Variants in PHKA2 observed in about 807,000 individuals in gnomAD.
The protein encoded by PHKA2 is phosphorylase kinase regulatory subunit alpha 2, also known as phosphorylase b kinase regulatory subunit alpha, liver isoform.
A neutral mutation model predicts 102.0 loss-of-function variants in PHKA2; 31 were observed. That is an observed-to-expected ratio of 0.30 (90% confidence interval 0.23 to 0.41). The LOEUF is 0.41. Among genes scored for constraint, PHKA2 ranks in the 10% least tolerant of loss-of-function variants. The pLI, the probability that PHKA2 is intolerant of heterozygous loss-of-function variation, is 1.00. For missense variants in PHKA2, 858 were observed against 1,023.1 expected (o/e 0.84, Z 2.20); for synonymous variants, 455 against 416.2 (o/e 1.09, Z -1.13).
At chrX:18,966,392 C>T (rs1189016071) in intron 1 of PHKA2, among the ~76,000 whole-genome samples, 1 of 110,730 alleles carries the variant, frequency 9.0e-6, no homozygotes, top group African/African-American at 3.3e-5. Context: ...ATGTCTGGCC[C>T]GTTGGGGTTC....
chrX:18,940,454 A>C (rs1016948438), intron 8 of PHKA2, among the ~76,000 whole-genome samples: 1 of 111,768 alleles, frequency 8.9e-6, no homozygotes, highest in African/African-American at 3.3e-5. Flanking sequence ...AGGCTCCTGG[A>C]AGTTAGGCTT....
At chrX:18,905,897 G>A (rs1220218455) in intron 25 of PHKA2, 38 bp from the exon 26 acceptor site, 6 of 1,023,867 alleles carry the variant, frequency 5.9e-6, no homozygotes, top group African/African-American at 5.5e-5. Flanking sequence ...CAAACACAGG[G>A]CTGGTGGCGG....
intron 11 of PHKA2, among the ~76,000 whole-genome samples, chrX:18,933,032 T>A (rs1287328930): frequency 1.8e-5 from 2 of 109,246 alleles, no homozygotes; most frequent in African/African-American, 6.7e-5. Context: ...GAGAATCACG[T>A]GAACCTGAGA....
At chrX:18,901,748 G>A (rs1488167212) in intron 26 of PHKA2, 145 bp from the exon 27 acceptor site, 2 of 514,332 alleles carry the variant, frequency 3.9e-6, no homozygotes, top group Non-Finnish European at 7.0e-6. Context: ...AGCAGCACAG[G>A]TGCAGCACTC....
chrX:18,905,739 AC>A lies in PHKA2; in HGVS notation c.2908+18del. ...AGGAGGCAGCTCCCTGAAGACGTTA[AC>A]AGGAGCATGGAACTTACCACTTCTT... On this transcript the variant is annotated intron_variant, in intron 26 of 32. Transcript: ENST00000379942. 9.2e-7 allele frequency: 1 copy of A among 1,084,224 alleles called. No homozygotes were observed. Among genetic ancestry groups the A allele is most frequent in the Non-Finnish European group, 1.3e-6 (1 of 778,951 alleles). 89.4% of individuals were successfully genotyped at this position (1,084,224 alleles called of 1,213,427 possible). A position where few individuals can be genotyped will look rare whatever the true frequency, so the allele number is the denominator to read the frequency against.
chrX:18,912,509 G>A (rs111530645), intron 19 of PHKA2, among the ~76,000 whole-genome samples: 3 of 110,624 alleles, frequency 2.7e-5, no homozygotes, highest in South Asian at 3.9e-4. Flanking sequence ...GCTCATGCCT[G>A]TAATCCCAGC....
At chrX:18,896,837 C>T (rs2047566399) in intron 30 of PHKA2, among the ~76,000 whole-genome samples, 1 of 112,206 alleles carries the variant, frequency 8.9e-6, no homozygotes, top group African/African-American at 3.2e-5. Context: ...GCCACCTTGT[C>T]TTACTTGCTG....
At chrX:18,980,409 C>G (rs766189714) in intron 1 of PHKA2, among the ~76,000 whole-genome samples, 31 of 112,830 alleles carry the variant, frequency 2.7e-4, no homozygotes, top group African/African-American at 1.0e-3. Context: ...TTGTTCTATT[C>G]TGAGATAGGA....
At chrX:18,910,985 G>C (rs1192350843) in intron 19 of PHKA2, 25 bp from the exon 20 acceptor site, 1 of 973,865 alleles carries the variant, frequency 1.0e-6, no homozygotes, top group Non-Finnish European at 1.4e-6. Context: ...AATAAAGAGA[G>C]TTATTCTGAG....
chrX:18,899,461 T>G (rs1423341012), intron 28 of PHKA2, among the ~76,000 whole-genome samples: 2 of 112,847 alleles, frequency 1.8e-5, no homozygotes, highest in Non-Finnish European at 3.7e-5. Flanking sequence ...TTTAAAAACA[T>G]GAACTGTTAC....
chrX:18,953,792 G>A (rs1441633600), intron 2 of PHKA2, among the ~76,000 whole-genome samples: 1 of 111,121 alleles, frequency 9.0e-6, no homozygotes, highest in African/African-American at 3.3e-5. Flanking sequence ...TTCGAAACCA[G>A]CCTGGCCAAC....
At chrX:18,919,511 C>A (rs2048078039) in intron 18 of PHKA2, among the ~76,000 whole-genome samples, 1 of 109,903 alleles carries the variant, frequency 9.1e-6, no homozygotes, top group Non-Finnish European at 1.9e-5. Context: ...TTAAGACCAG[C>A]CAGGGCAACA....
At chrX:18,968,537 A>G (rs1428185170) in intron 1 of PHKA2, among the ~76,000 whole-genome samples, 1 of 111,373 alleles carries the variant, frequency 9.0e-6, no homozygotes, top group Non-Finnish European at 1.9e-5. Flanking sequence ...ATCTGAAATC[A>G]TAACAATGAG....
chrX:18,916,190 A>G (rs1344332469), intron 19 of PHKA2, among the ~76,000 whole-genome samples: 1 of 112,337 alleles, frequency 8.9e-6, no homozygotes, highest in Non-Finnish European at 1.9e-5. Flanking sequence ...CCAAGAGGGC[A>G]GATTGCCTGA....
chrX:18,980,504 G>T (rs1288786411), intron 1 of PHKA2, among the ~76,000 whole-genome samples: 2 of 112,692 alleles, frequency 1.8e-5, no homozygotes, highest in African/African-American at 3.2e-5. Context: ...TGTTTGGGTG[G>T]AGAAAAGCAT....
At chrX:18,909,599 C>G (rs2147864574) in intron 20 of PHKA2, among the ~76,000 whole-genome samples, 1 of 112,042 alleles carries the variant, frequency 8.9e-6, no homozygotes, top group Non-Finnish European at 1.9e-5. Context: ...TTTTACACAC[C>G]CTGTGTATAT....
chrX:18,931,874 G>T (rs1475101580), intron 11 of PHKA2, 126 bp from the exon 12 acceptor site: 18 of 569,321 alleles, frequency 3.2e-5, no homozygotes, highest in Non-Finnish European at 5.2e-5. Context: ...CTGTGCAGGT[G>T]CCAGGAGGCT....
chrX:18,915,281 T>G (rs2147882134), intron 19 of PHKA2: 1 of 110,432 alleles, frequency 9.1e-6, no homozygotes, highest in South Asian at 4.0e-4. Context: ...AGGTGAAGGC[T>G]GCAGTGAGCC....
chrX:18,950,425 G>A (rs1192952744), intron 4 of PHKA2, among the ~76,000 whole-genome samples: 1 of 111,260 alleles, frequency 9.0e-6, no homozygotes, highest in Admixed American at 9.5e-5. Context: ...GTGGCTCCAG[G>A]AACTAGGAGA....
Sources: allele counts gnomAD v4.1 joint callset (sites outside exome capture counted in the v4.1 genomes callset), GRCh38; gene constraint gnomAD v4.1.1; transcripts MANE v1.5; gene names NCBI Gene and HGNC (gene_info 2026-07-23, HGNC 2026-07-21).